Variants in OLA1 observed in about 807,000 individuals in gnomAD.
OLA1 encodes Obg like ATPase 1.
OLA1 carries 14 observed loss-of-function variants against 48.4 expected under a neutral mutation model. That is an observed-to-expected ratio of 0.29 (90% CI 0.19 to 0.45). The LOEUF (loss-of-function observed/expected upper bound fraction) is 0.45, where lower values mean the gene tolerates loss of function less well. OLA1 is among the 20% of genes least tolerant of loss of function. OLA1 has a pLI of 1.00. For missense variants in OLA1, 325 were observed against 467.1 expected, an observed-to-expected ratio of 0.70 and a Z score of 2.80; for synonymous variants, 127 against 150.4, an observed-to-expected ratio of 0.84 and a Z score of 1.14.
chr2:174,180,439 C>T (rs945830308), intron 4 of OLA1, among the ~76,000 whole-genome samples: 15 of 152,168 alleles, frequency 9.9e-5, no homozygotes, highest in African/African-American at 3.1e-4. Flanking sequence ...TGTGTTAGTG[C>T]TCTATTTCTT....
chr2:174,246,650 A>G (rs1311834615), intron 2 of OLA1, 65 bp downstream of exon 2: 1 of 1,086,418 alleles, frequency 9.2e-7, no homozygotes, highest in South Asian at 1.3e-5. Flanking sequence ...CACGGTTCCC[A>G]TTTCTACAAT....
chr2:174,242,388 G>C (rs1171649528), intron 2 of OLA1, among the ~76,000 whole-genome samples: 1 of 152,344 alleles, frequency 6.6e-6, no homozygotes, highest in African/African-American at 2.4e-5. Context: ...CCTGACCGGA[G>C]GTGGAGCTAA....
chr2:174,133,763 CTTTG>C lies in OLA1; in HGVS notation c.549+8058_549+8061del, dbSNP rs1275841163. ...GACTTTTCAAATCCAATCTGACATT[CTTTG>C]TCTTTTTTAATTTTTAAAAAAATTA... On this transcript the variant is annotated intron_variant, in intron 5 of 10. Coordinates refer to ENST00000284719, the MANE Select transcript of OLA1 (RefSeq NM_013341.5). 7.3e-5 allele frequency among the ~76,000 whole-genome samples: 11 copies of C among 151,200 alleles called. No individual in the cohort carries two copies. The East Asian group carries it at 1.9e-3, about 26-fold the overall frequency.
chr2:174,227,949 A>G (rs1048469204), intron 3 of OLA1, among the ~76,000 whole-genome samples: 4 of 152,220 alleles, frequency 2.6e-5, no homozygotes, highest in Non-Finnish European at 5.9e-5. Context: ...TGCTGATAAG[A>G]CTGGATACGG....
intron 5 of OLA1, among the ~76,000 whole-genome samples, chr2:174,133,652 A>G (rs2105374638): frequency 6.6e-6 from 1 of 152,248 alleles, no homozygotes; most frequent in East Asian, 1.9e-4. Flanking sequence ...GCTGACATAC[A>G]ATACTTTCAA....
At chr2:174,146,375 C>A (rs1686599757) in intron 4 of OLA1, among the ~76,000 whole-genome samples, 1 of 152,220 alleles carries the variant, frequency 6.6e-6, no homozygotes, top group Middle Eastern at 3.4e-3. Flanking sequence ...TGACTGCAGA[C>A]AAAGTTAGGA....
At chr2:174,205,846 A>G (rs987805298) in intron 4 of OLA1, among the ~76,000 whole-genome samples, 6 of 152,174 alleles carry the variant, frequency 3.9e-5, no homozygotes, top group African/African-American at 9.7e-5. Context: ...GACATCGCCA[A>G]TGTAGAGACA....
At chr2:174,152,423 A>C (rs1004776329) in intron 4 of OLA1, among the ~76,000 whole-genome samples, 8 of 152,098 alleles carry the variant, frequency 5.3e-5, no homozygotes, top group African/African-American at 1.9e-4. Context: ...AATAAAAAAA[A>C]GTTAAAAAGT....
chr2:174,248,020 C>T, intron 1 of OLA1: 1 of 403,376 alleles, frequency 2.5e-6, no homozygotes, highest in Non-Finnish European at 4.5e-6. Flanking sequence ...GTATTCCAGC[C>T]TCTGATCCCT....
chr2:174,225,686 A>C (rs149841026), intron 3 of OLA1, among the ~76,000 whole-genome samples: 72 of 152,332 alleles, frequency 4.7e-4, no homozygotes, highest in African/African-American at 1.6e-3. Context: ...CTTTACAGCA[A>C]TACAAAATGG....
intron 4 of OLA1, among the ~76,000 whole-genome samples, chr2:174,207,865 CA>C: frequency 6.6e-6 from 1 of 152,306 alleles, no homozygotes; most frequent in South Asian, 2.1e-4. Flanking sequence ...TTGAACAACA[CA>C]GGTTTGAACT....
At chr2:174,150,832 G>A (rs1354113273) in intron 4 of OLA1, among the ~76,000 whole-genome samples, 1 of 152,126 alleles carries the variant, frequency 6.6e-6, no homozygotes, top group Non-Finnish European at 1.5e-5. Flanking sequence ...AAAAGGGAGA[G>A]CAATATTCAC....
intron 7 of OLA1, among the ~76,000 whole-genome samples, chr2:174,087,542 CT>C (rs1004166715): frequency 1.4e-5 from 2 of 138,152 alleles, no homozygotes; most frequent in African/African-American, 5.1e-5. Context: ...ACCACACCCC[CT>C]AGTAAAAAAT....
chr2:174,128,179 G>T (rs776172426), intron 5 of OLA1, among the ~76,000 whole-genome samples: 8 of 151,712 alleles, frequency 5.3e-5, no homozygotes, highest in Non-Finnish European at 1.2e-4. Flanking sequence ...GCTGGCTTGA[G>T]GCTAGGAGTT....
At chr2:174,230,742 G>A (rs1438890953) in intron 2 of OLA1, among the ~76,000 whole-genome samples, 1 of 152,162 alleles carries the variant, frequency 6.6e-6, no homozygotes, top group Non-Finnish European at 1.5e-5. Flanking sequence ...CAGGTCATCT[G>A]GGGGCTGGAA....
chr2:174,184,705 A>C (rs1415220679), intron 4 of OLA1, among the ~76,000 whole-genome samples: 1 of 152,182 alleles, frequency 6.6e-6, no homozygotes. Flanking sequence ...ATTGAAACTG[A>C]GTGAGGGGTA....
At chr2:174,245,209 GATTA>G (rs1689100357) in intron 2 of OLA1, among the ~76,000 whole-genome samples, 1 of 152,102 alleles carries the variant, frequency 6.6e-6, no homozygotes, top group South Asian at 2.1e-4. Flanking sequence ...ACAGTATTTT[GATTA>G]ATTATTTGTT....
At chr2:174,091,687 A>C (rs1685114974) in intron 7 of OLA1, among the ~76,000 whole-genome samples, 1 of 151,838 alleles carries the variant, frequency 6.6e-6, no homozygotes, top group African/African-American at 2.4e-5. Context: ...GGAGTTTGAG[A>C]CCAGCCTGGC....
intron 5 of OLA1, among the ~76,000 whole-genome samples, chr2:174,130,564 C>A (rs557735637): frequency 7.9e-5 from 12 of 152,250 alleles, no homozygotes; most frequent in Admixed American, 7.8e-4. Flanking sequence ...AGGCATAGAT[C>A]TCAGCAAAGG....
Sources: gnomAD v4.1 joint callset for allele counts (sites outside exome capture counted in the v4.1 genomes callset) on GRCh38, gnomAD v4.1.1 for gene constraint, MANE v1.5 for transcripts, NCBI Gene and HGNC (gene_info 2026-07-23, HGNC 2026-07-21) for gene names.